Variants in FNDC3B observed in about 807,000 individuals in gnomAD.
FNDC3B encodes fibronectin type III domain containing 3B, also known as fibronectin type III domain-containing protein 3B.
FNDC3B carries 12 observed loss-of-function variants against 151.5 expected under a neutral mutation model. That is an observed-to-expected ratio of 0.08 (90% CI 0.05 to 0.13). The LOEUF (loss-of-function observed/expected upper bound fraction) is 0.13, where lower values mean the gene tolerates loss of function less well. FNDC3B is among the 10% of genes least tolerant of loss of function. The pLI is 1.00. For missense variants in FNDC3B, 1,214 were observed against 1,505.3 expected (o/e 0.81, Z 3.20); for synonymous variants, 528 against 549.0 (o/e 0.96, Z 0.54).
At chr3:172,204,509 G>T (rs564177911) in intron 3 of FNDC3B, among the ~76,000 whole-genome samples, 47 of 152,212 alleles carry the variant, frequency 3.1e-4, no homozygotes, top group Non-Finnish European at 5.0e-4. Context: ...TAAAAGCATA[G>T]AATACATTTA....
intron 2 of FNDC3B, among the ~76,000 whole-genome samples, chr3:172,132,941 A>C (rs1001903375): frequency 6.6e-6 from 1 of 152,176 alleles, no homozygotes; most frequent in Non-Finnish European, 1.5e-5. Flanking sequence ...GCCTATTTAT[A>C]ATATTTATTT....
intron 13 of FNDC3B, among the ~76,000 whole-genome samples, chr3:172,332,555 A>G (rs181150491): frequency 6.6e-6 from 1 of 152,286 alleles, no homozygotes; most frequent in East Asian, 1.9e-4. Flanking sequence ...AGAAGGTACT[A>G]AGTAGTATTT....
chr3:172,121,383 A>G (rs981837599), intron 2 of FNDC3B, among the ~76,000 whole-genome samples: 28 of 152,106 alleles, frequency 1.8e-4, no homozygotes, highest in African/African-American at 6.3e-4. Flanking sequence ...TACCTCTTAC[A>G]TGTTAGGACC....
At chr3:172,310,484 T>A (rs1731414387) in intron 10 of FNDC3B, among the ~76,000 whole-genome samples, 2 of 152,354 alleles carry the variant, frequency 1.3e-5, no homozygotes, top group African/African-American at 4.8e-5. Context: ...CTCAGCTGCC[T>A]TGTTCTCACT....
intron 3 of FNDC3B, among the ~76,000 whole-genome samples, chr3:172,147,655 C>T (rs2108596109): frequency 6.6e-6 from 1 of 152,194 alleles, no homozygotes; most frequent in Non-Finnish European, 1.5e-5. Context: ...GCTGGTTCTA[C>T]CCCCAGGGTT....
intron 1 of FNDC3B, among the ~76,000 whole-genome samples, chr3:172,062,581 G>A (rs1717265761): frequency 6.6e-6 from 1 of 152,092 alleles, no homozygotes; most frequent in Non-Finnish European, 1.5e-5. Context: ...ACCGCGCCTG[G>A]CCACTTTTCT....
intron 8 of FNDC3B, among the ~76,000 whole-genome samples, chr3:172,298,276 G>A (rs750111305): frequency 6.6e-6 from 1 of 152,110 alleles, no homozygotes; most frequent in Non-Finnish European, 1.5e-5. Context: ...CTATTTGTTC[G>A]GTGCATTGGT....
At chr3:172,162,640 C>T (rs1722835310) in intron 3 of FNDC3B, among the ~76,000 whole-genome samples, 2 of 146,148 alleles carry the variant, frequency 1.4e-5, no homozygotes, top group Non-Finnish European at 3.0e-5. Context: ...ACATTCTTGT[C>T]AACACTTGTT....
intron 2 of FNDC3B, among the ~76,000 whole-genome samples, chr3:172,132,558 A>G (rs1721158799): frequency 6.6e-6 from 1 of 152,120 alleles, no homozygotes; most frequent in South Asian, 2.1e-4. Context: ...GGCACCTGCC[A>G]CCACGCCTGG....
chr3:172,201,663 T>A (rs1322607119), intron 3 of FNDC3B, among the ~76,000 whole-genome samples: 12 of 152,130 alleles, frequency 7.9e-5, no homozygotes. Context: ...TTAATGAGAG[T>A]CTGAGTCACC....
intron 4 of FNDC3B, among the ~76,000 whole-genome samples, chr3:172,238,990 G>A (rs1039175829): frequency 3.3e-5 from 5 of 152,120 alleles, no homozygotes; most frequent in African/African-American, 1.2e-4. Context: ...ATGGAGAAAA[G>A]TTTTAATAAT....
chr3:172,192,747 T>G (rs569286982), intron 3 of FNDC3B, among the ~76,000 whole-genome samples: 9 of 152,002 alleles, frequency 5.9e-5, no homozygotes, highest in African/African-American at 1.9e-4. Flanking sequence ...ATATATATAT[T>G]TTTTACCTCA....
chr3:172,145,970 C>T lies in FNDC3B; in HGVS notation c.187+12424C>T, dbSNP rs115497654. Among the ~76,000 whole-genome samples the T allele has an allele frequency of 3.9e-5, 6 of 152,124 alleles. 1 individual carries two copies. The South Asian group carries it at 8.3e-4, about 21-fold the overall frequency. On this transcript the variant is annotated intron_variant, in intron 3 of 25. Coordinates refer to ENST00000415807, the MANE Select transcript of FNDC3B (RefSeq NM_022763.4). ...CTGGGATTACAGGCATGCGCCACCA[C>T]GCCCCGTTAGTTTTGTACTTTTAGC...
intron 1 of FNDC3B, among the ~76,000 whole-genome samples, chr3:172,057,467 G>C (rs1716970847): frequency 6.6e-6 from 1 of 152,170 alleles, no homozygotes; most frequent in Admixed American, 6.5e-5. Flanking sequence ...CTCTGCTTTA[G>C]AGGTACCTAA....
At chr3:172,359,805 T>C (rs1324749959) in intron 22 of FNDC3B, among the ~76,000 whole-genome samples, 1 of 152,154 alleles carries the variant, frequency 6.6e-6, no homozygotes, top group Non-Finnish European at 1.5e-5. Flanking sequence ...TACAAAAGAC[T>C]TGATGCAGCC....
Position 172,264,890 on chromosome 3 carries a change from G to T in FNDC3B, c.790+13349G>T, listed in dbSNP as rs377300473. On this transcript the variant is annotated intron_variant, in intron 6 of 25. Coordinates refer to ENST00000415807, the MANE Select transcript of FNDC3B (RefSeq NM_022763.4). The stretch of plus-strand genomic sequence containing the variant: ...CTAACTGCCCTTCTTTAATAAGGGT[G>T]CATGGTCCAGTTGCTAGATTGTCCT... Among the ~76,000 whole-genome samples the T allele has an allele frequency of 6.4e-4, 97 of 152,336 alleles. 1 individual carries two copies. The highest frequency in any genetic ancestry group is 2.2e-3 in the African/African-American group (93 of 41,580).
chr3:172,131,397 A>G (rs76746593), intron 2 of FNDC3B, among the ~76,000 whole-genome samples: 2 of 140,458 alleles, frequency 1.4e-5, no homozygotes, highest in Admixed American at 7.1e-5. Flanking sequence ...CCGTCTCAAG[A>G]AAAAAAAAAA....
At chr3:172,063,900 T>C (rs1000536039) in intron 1 of FNDC3B, among the ~76,000 whole-genome samples, 1 of 152,090 alleles carries the variant, frequency 6.6e-6, no homozygotes, top group Non-Finnish European at 1.5e-5. Context: ...ACCCCCAAGT[T>C]GATGGTGTTA....
At chr3:172,331,930 C>A (rs1732699669) in intron 13 of FNDC3B, among the ~76,000 whole-genome samples, 1 of 152,174 alleles carries the variant, frequency 6.6e-6, no homozygotes, top group South Asian at 2.1e-4. Context: ...AACTCTCGAG[C>A]ACCTGACATA....
Sources: gnomAD v4.1 joint callset for allele counts (sites outside exome capture counted in the v4.1 genomes callset) on GRCh38, gnomAD v4.1.1 for gene constraint, MANE v1.5 for transcripts, NCBI Gene and HGNC (gene_info 2026-07-23, HGNC 2026-07-21) for gene names.